Variants in WDR33 observed in about 807,000 individuals in gnomAD.
The protein encoded by WDR33 is WD repeat domain 33.
WDR33 carries 47 observed loss-of-function variants against 164.9 expected under a neutral mutation model. The ratio of observed to expected loss-of-function variants is 0.29; its 90% CI spans 0.23 to 0.36. The LOEUF is 0.36. WDR33 is among the 10% of genes least tolerant of loss of function. WDR33 has a pLI of 1.00. For missense variants in WDR33, 1,137 were observed against 1,754.1 expected, an observed-to-expected ratio of 0.65 and a Z score of 6.28; for synonymous variants, 505 against 589.0, an observed-to-expected ratio of 0.86 and a Z score of 2.06.
chr2:127,739,134 G>T (rs1464247011), intron 7 of WDR33, among the ~76,000 whole-genome samples: 1 of 152,164 alleles, frequency 6.6e-6, no homozygotes, highest in Non-Finnish European at 1.5e-5. Context: ...ACTCGTGAAG[G>T]TGTTTAAAAT....
At chr2:127,707,173 C>T (rs1033037390) in intron 21 of WDR33, among the ~76,000 whole-genome samples, 28 of 135,112 alleles carry the variant, frequency 2.1e-4, no homozygotes, top group Admixed American at 1.6e-4. Context: ...CTAGTATGCA[C>T]AAATGTTTAG....
chr2:127,765,068 T>C (rs1687783710), intron 5 of WDR33, 89 bp from the exon 6 acceptor site: 8 of 1,556,036 alleles, frequency 5.1e-6, no homozygotes. Flanking sequence ...TGACTCGAGG[T>C]AATAATTCGT....
chr2:127,767,402 G>GT (rs1687855295), intron 4 of WDR33, among the ~76,000 whole-genome samples: 1 of 152,112 alleles, frequency 6.6e-6, no homozygotes, highest in Non-Finnish European at 1.5e-5. Flanking sequence ...TTTAAATTTA[G>GT]TTTCAGTTTT....
intron 7 of WDR33, chr2:127,737,028 T>C: frequency 1.0e-6 from 1 of 985,434 alleles, no homozygotes; most frequent in African/African-American, 1.7e-5. Flanking sequence ...TGTGTCAATC[T>C]TCTATATTCT....
chr2:127,768,021 T>TA (rs1384378256), intron 4 of WDR33, among the ~76,000 whole-genome samples, 168 bp downstream of exon 4: 2 of 152,208 alleles, frequency 1.3e-5, no homozygotes, highest in African/African-American at 4.8e-5. Flanking sequence ...TCAATGGTGA[T>TA]AAAGTAGATA....
chr2:127,810,340 T>G (rs1007437549), intron 1 of WDR33, among the ~76,000 whole-genome samples: 8 of 152,118 alleles, frequency 5.3e-5, no homozygotes, highest in African/African-American at 9.7e-5. Flanking sequence ...CGCCGCCGCC[T>G]CCTCCTTACT....
At chr2:127,762,943 G>C in intron 7 of WDR33, 119 bp downstream of exon 7, 2 of 1,514,810 alleles carry the variant, frequency 1.3e-6, no homozygotes, top group Non-Finnish European at 1.8e-6. Context: ...GCCTGAGACG[G>C]TGTGTATATG....
intron 1 of WDR33, among the ~76,000 whole-genome samples, chr2:127,791,168 C>CG (rs1040294070): frequency 1.9e-5 from 2 of 106,336 alleles, no homozygotes; most frequent in Non-Finnish European, 3.8e-5. Flanking sequence ...CACCCCACCC[C>CG]CCCCCCCAGC....
intron 1 of WDR33, among the ~76,000 whole-genome samples, chr2:127,786,326 T>G (rs1225282658): frequency 5.9e-5 from 9 of 152,218 alleles, no homozygotes; most frequent in Non-Finnish European, 1.3e-4. Context: ...TGAGCCACAG[T>G]GCCCAGCCGA....
intron 1 of WDR33, among the ~76,000 whole-genome samples, chr2:127,803,015 G>A (rs1269677565): frequency 2.6e-5 from 4 of 151,784 alleles, no homozygotes; most frequent in African/African-American, 9.7e-5. Context: ...AATTAAGAGG[G>A]AGAAAAAGCA....
chr2:127,761,164 A>G (rs376419384), intron 7 of WDR33, among the ~76,000 whole-genome samples: 4 of 152,152 alleles, frequency 2.6e-5, no homozygotes, highest in African/African-American at 9.7e-5. Context: ...ACTTCAGTTA[A>G]TACAGTCCAC....
rs1689047330 is a variant in WDR33 at position 127,796,455 on chromosome 2, ATAAT to A, written c.-24+14553_-24+14556del. Reference sequence around the variant, plus strand: ...GCAGCAAGCACAGTGGCTCACGCCTATAATCCCAGCACTTTGGGAGACCAAGATA... The same window carrying A: ...GCAGCAAGCACAGTGGCTCACGCCTACCCAGCACTTTGGGAGACCAAGATA... On this transcript the variant is annotated intron_variant, in intron 1 of 21. Coordinates refer to ENST00000322313, the MANE Select transcript of WDR33 (RefSeq NM_018383.5). 2.0e-5 allele frequency among the ~76,000 whole-genome samples: 3 copies of A among 152,080 alleles called. No homozygotes were observed. In the South Asian group the frequency reaches 6.2e-4, roughly 32 times the overall value.
chr2:127,760,014 G>A (rs1256267512), intron 7 of WDR33, among the ~76,000 whole-genome samples: 1 of 152,226 alleles, frequency 6.6e-6, no homozygotes, highest in Non-Finnish European at 1.5e-5. Flanking sequence ...GGCCTGCCAT[G>A]TGAATTAAGT....
At chr2:127,711,445 A>G (rs1307600362) in intron 18 of WDR33, among the ~76,000 whole-genome samples, 1 of 148,758 alleles carries the variant, frequency 6.7e-6, no homozygotes, top group African/African-American at 2.5e-5. Context: ...AAAAAAAAAG[A>G]CAAGGTAAAA....
Position 127,720,382 on chromosome 2 carries a change from T to C in WDR33, c.1672-29A>G, listed in dbSNP as rs893023010. ...GAAAGAAAGAAAGAAAAAAGCATGT[T>C]GAATAAACAGGCCAGAGCCCTTGAA... is the stretch of plus-strand genomic sequence containing the variant. On this transcript the variant is annotated intron_variant, in intron 15 of 21. Transcript: ENST00000322313. The surrounding 1 kb of genome is among the most constrained non-coding windows in gnomAD (Gnocchi z 5.9). 1.3e-6 allele frequency: 2 copies of C among 1,504,384 alleles called. No individual in the cohort carries two copies. The highest frequency in any genetic ancestry group is 2.8e-5 in the African/African-American group (2 of 71,480). The allele number at this position is 1,504,384 out of a possible 1,614,324, so 93.2% of individuals were successfully genotyped here. A position where few individuals can be genotyped will look rare whatever the true frequency, so the allele number is the denominator to read the frequency against.
chr2:127,727,190 C>G (rs1686592814), intron 7 of WDR33, among the ~76,000 whole-genome samples: 1 of 152,194 alleles, frequency 6.6e-6, no homozygotes, highest in Non-Finnish European at 1.5e-5. Flanking sequence ...GAACTTGATT[C>G]AACCTGAATT....
Position 127,719,929 on chromosome 2 carries a change from G to A in WDR33, c.2096C>T (p.Ser699Phe). The A allele has an allele frequency of 2.5e-6, 4 of 1,613,984 alleles. No individual in the cohort carries two copies. Among genetic ancestry groups the A allele is most frequent in the Non-Finnish European group, 3.4e-6 (4 of 1,179,992 alleles). Reference sequence around the variant, plus strand: ...AGGACCCATATGACCTTGAGGACCAGAACTACCTTGTGGTCCAGGTGGCCC... The same window carrying A: ...AGGACCCATATGACCTTGAGGACCAAAACTACCTTGTGGTCCAGGTGGCCC... The part of the protein sequence containing the change: ...PQGPPGPQGS[S>F]GPQGHMGPQG... Residue 699 changes from serine to phenylalanine, a missense_variant, in exon 16 of 22, where the codon TCT (serine) becomes TTT (phenylalanine). By Grantham distance (155) the Ser-to-Phe change is radical. This residue lies in a region of WDR33 where 867 missense variants were observed against 1,073.0 expected (regional missense o/e 0.81). Coordinates refer to ENST00000322313, the MANE Select transcript of WDR33 (RefSeq NM_018383.5). The surrounding 1 kb of genome is among the most constrained non-coding windows in gnomAD (Gnocchi z 6.5).
chr2:127,744,530 A>G (rs940021838), intron 7 of WDR33, among the ~76,000 whole-genome samples: 2 of 152,232 alleles, frequency 1.3e-5, no homozygotes, highest in African/African-American at 4.8e-5. Context: ...ATCTTTTTGT[A>G]TATGTATAGG....
intron 18 of WDR33, among the ~76,000 whole-genome samples, chr2:127,711,985 G>A (rs1198617964): frequency 6.6e-6 from 1 of 150,502 alleles, no homozygotes; most frequent in Non-Finnish European, 1.5e-5. Flanking sequence ...TGTTGGCCAG[G>A]CTGGTCTCGA....
Sources: gnomAD v4.1 joint callset for allele counts (sites outside exome capture counted in the v4.1 genomes callset) on GRCh38, gnomAD v4.1.1 for gene constraint, gnomAD v4.1.1 regional missense constraint, Gnocchi (gnomAD v3.1) non-coding constraint, MANE v1.5 for transcripts, NCBI Gene and HGNC (gene_info 2026-07-23, HGNC 2026-07-21) for gene names.